Variants in DNAAF6 observed in about 807,000 individuals in gnomAD.
DNAAF6 encodes PIH1 domain containing 3.
In DNAAF6, 3 loss-of-function variants were observed where a neutral mutation model predicts 13.7. That is an observed-to-expected ratio of 0.22 (90% CI 0.10 to 0.56). The LOEUF (loss-of-function observed/expected upper bound fraction) is 0.56. DNAAF6 is among the 20% of genes least tolerant of loss of function. The pLI is 0.92. For missense variants in DNAAF6, 130 were observed against 151.0 expected (o/e 0.86, Z 0.73); for synonymous variants, 54 against 49.2 (o/e 1.10, Z -0.41).
intron 4 of DNAAF6, among the ~76,000 whole-genome samples, chrX:107,220,245 TA>T (rs1481075469): frequency 8.9e-6 from 1 of 112,285 alleles, no homozygotes; most frequent in Admixed American, 9.5e-5. Flanking sequence ...GTCAAGACCA[TA>T]AACCTCATAA....
intron 1 of DNAAF6, among the ~76,000 whole-genome samples, chrX:107,209,865 T>C (rs1343256199): frequency 8.9e-6 from 1 of 112,474 alleles, no homozygotes; most frequent in Non-Finnish European, 1.9e-5. Context: ...TACAATTAAC[T>C]GATGTCAAAA....
intron 1 of DNAAF6, among the ~76,000 whole-genome samples, chrX:107,210,553 G>A (rs1927830734): frequency 9.1e-6 from 1 of 110,158 alleles, no homozygotes; most frequent in South Asian, 3.9e-4. Context: ...TGAGTAGATG[G>A]GACCACAGGG....
rs2273868 is a variant in DNAAF6, at chrX:107,239,034, T to C, written c.515+27T>C. 60 of 1,171,558 alleles carry C rather than the reference T, an allele frequency of 5.1e-5. No individual in the cohort carries two copies. In the East Asian group the frequency reaches 1.7e-3, roughly 33 times the overall value. ...TGAGTAAAACTTAGAACTGGAATAG[T>C]GTATTATAATATTAAAGAGTCTTCA... On this transcript the variant is annotated intron_variant, in intron 6 of 6. Transcript: ENST00000372453.
At chrX:107,211,846 A>G (rs766460188) in intron 1 of DNAAF6, among the ~76,000 whole-genome samples, 3 of 111,350 alleles carry the variant, frequency 2.7e-5, no homozygotes, top group African/African-American at 9.7e-5. Flanking sequence ...ATGATACCAT[A>G]ATGATACCAT....
At chrX:107,222,449 CT>C (rs778177320) in intron 4 of DNAAF6, among the ~76,000 whole-genome samples, 147 of 111,158 alleles carry the variant, frequency 1.3e-3, no homozygotes, top group Non-Finnish European at 2.3e-3. Flanking sequence ...TGCTTTTAAT[CT>C]TATTAGAATC....
At chrX:107,229,211 C>T (rs1255832298) in intron 5 of DNAAF6, among the ~76,000 whole-genome samples, 5 of 89,518 alleles carry the variant, frequency 5.6e-5, no homozygotes, top group Admixed American at 1.4e-4. Context: ...GATCTTGGCT[C>T]ACTGCAAACT....
Position 107,243,332 on chromosome X carries a change from G to T in DNAAF6, c.*34G>T. On this transcript the variant is annotated 3_prime_UTR_variant, in exon 7 of 7. Coordinates refer to ENST00000372453, the MANE Select transcript of DNAAF6 (RefSeq NM_173494.2). Reference sequence around the variant, plus strand: ...GAAAAAGATAAAAAGTAGTAAAATGGCATTGGTAACAATTAAAAAACTTTG... The same window carrying T: ...GAAAAAGATAAAAAGTAGTAAAATGTCATTGGTAACAATTAAAAAACTTTG... 8.5e-7 allele frequency: 1 copy of T among 1,172,540 alleles called. No individual in the cohort carries two copies. Among genetic ancestry groups the T allele is most frequent in the Non-Finnish European group, 1.1e-6 (1 of 876,161 alleles).
At chrX:107,228,747 C>G (rs1928312801) in intron 5 of DNAAF6, among the ~76,000 whole-genome samples, 1 of 111,060 alleles carries the variant, frequency 9.0e-6, no homozygotes, top group Non-Finnish European at 1.9e-5. Context: ...TCTCTGGTAG[C>G]TAGGACTACA....
At chrX:107,223,941 T>G (rs1029584492) in intron 5 of DNAAF6, among the ~76,000 whole-genome samples, 2 of 111,388 alleles carry the variant, frequency 1.8e-5, no homozygotes, top group Non-Finnish European at 3.8e-5. Flanking sequence ...GTTTTTGATG[T>G]GTAATGTTGG....
intron 6 of DNAAF6, among the ~76,000 whole-genome samples, chrX:107,242,495 C>G: frequency 8.9e-6 from 1 of 112,646 alleles, no homozygotes; most frequent in Non-Finnish European, 1.9e-5. Context: ...CCAGCATGTG[C>G]TGACCCCGTG....
intron 4 of DNAAF6, among the ~76,000 whole-genome samples, chrX:107,220,041 C>T (rs1436184975): frequency 1.8e-5 from 2 of 111,372 alleles, no homozygotes; most frequent in African/African-American, 3.3e-5. Flanking sequence ...TCAGGCAATC[C>T]GCCCGCCTCA....
At chrX:107,237,967 C>T (rs7887267) in intron 5 of DNAAF6, among the ~76,000 whole-genome samples, 5,283 of 111,696 alleles carry the variant, frequency 0.047, 325 homozygotes, top group African/African-American at 0.16. Flanking sequence ...GGCAACAGAG[C>T]GGGACTGCGT....
At chrX:107,226,582 A>G (rs1175278822) in intron 5 of DNAAF6, among the ~76,000 whole-genome samples, 1 of 111,723 alleles carries the variant, frequency 9.0e-6, no homozygotes, top group Admixed American at 9.5e-5. Context: ...TTGGAAAAAT[A>G]GGTCAGCAGA....
At chrX:107,229,326 C>T (rs1602686512) in intron 5 of DNAAF6, among the ~76,000 whole-genome samples, 1 of 106,402 alleles carries the variant, frequency 9.4e-6, no homozygotes, top group South Asian at 4.4e-4. Context: ...TTAGTAGAGA[C>T]GGGTTCCCAG....
chrX:107,217,298 C>T (rs1446839270), intron 3 of DNAAF6, among the ~76,000 whole-genome samples: 4 of 111,570 alleles, frequency 3.6e-5, no homozygotes, highest in African/African-American at 1.3e-4. Flanking sequence ...AGATGCTTAG[C>T]TTCTTTACCT....
chrX:107,207,863 G>A (rs1927747091), intron 1 of DNAAF6, among the ~76,000 whole-genome samples: 1 of 110,862 alleles, frequency 9.0e-6, no homozygotes, highest in South Asian at 3.9e-4. Context: ...AGGCTGCAGC[G>A]AGCCGTGATG....
intron 4 of DNAAF6, 134 bp from the exon 5 acceptor site, chrX:107,222,611 G>C (rs1269752228): frequency 1.3e-6 from 1 of 749,369 alleles, no homozygotes; most frequent in Non-Finnish European, 1.8e-6. Flanking sequence ...TATGCCTGAA[G>C]ACCTGCAAGC....
chrX:107,222,623 CTTTA>C (rs1928171257), intron 4 of DNAAF6, 118 bp from the exon 5 acceptor site: 1 of 896,735 alleles, frequency 1.1e-6, no homozygotes, highest in Non-Finnish European at 1.5e-6. Flanking sequence ...CCTGCAAGCA[CTTTA>C]TTTGTTTAGT....
At chrX:107,236,684 ATT>A (rs780415622) in intron 5 of DNAAF6, among the ~76,000 whole-genome samples, 80 of 112,346 alleles carry the variant, frequency 7.1e-4, no homozygotes, top group Middle Eastern at 4.6e-3. Flanking sequence ...TTTAAGAACC[ATT>A]TTAAAGTTCT....
Sources: gnomAD v4.1 joint callset for allele counts (sites outside exome capture counted in the v4.1 genomes callset) on GRCh38, gnomAD v4.1.1 for gene constraint, MANE v1.5 for transcripts, NCBI Gene and HGNC (gene_info 2026-07-23, HGNC 2026-07-21) for gene names.